Variants in TESK2 observed in about 807,000 individuals in gnomAD.
TESK2 encodes the protein dual specificity testis-specific protein kinase 2.
In TESK2, 39 loss-of-function variants were observed where a neutral mutation model predicts 57.1. The observed-to-expected ratio is 0.68, with a 90% CI of 0.53 to 0.89. TESK2 has a LOEUF of 0.89. Ranked by LOEUF, TESK2 falls within the 40% of genes least tolerant of loss-of-function variation. TESK2 has a pLI of 0.00. For synonymous variants in TESK2, 249 were observed against 267.9 expected (o/e 0.93, Z 0.69); for missense variants, 646 against 732.1 (o/e 0.88, Z 1.36).
intron 1 of TESK2, among the ~76,000 whole-genome samples, chr1:45,490,467 A>T (rs538881660): frequency 6.6e-6 from 1 of 152,232 alleles, no homozygotes; most frequent in East Asian, 1.9e-4. Context: ...GAGGGAAGTC[A>T]AGTGAAGGAA....
chr1:45,441,843 G>A (rs1651457757), intron 2 of TESK2, among the ~76,000 whole-genome samples: 1 of 151,846 alleles, frequency 6.6e-6, no homozygotes, highest in South Asian at 2.1e-4. Context: ...TCTCGAACTC[G>A]TGACCTCAAG....
intron 4 of TESK2, among the ~76,000 whole-genome samples, chr1:45,381,203 A>G (rs1425660350): frequency 6.6e-6 from 1 of 152,210 alleles, no homozygotes; most frequent in Admixed American, 6.5e-5. Context: ...TTACTCTCCA[A>G]TGGGGCAGAA....
At chr1:45,484,656 C>A (rs996352516) in intron 1 of TESK2, among the ~76,000 whole-genome samples, 8 of 152,056 alleles carry the variant, frequency 5.3e-5, no homozygotes, top group African/African-American at 1.4e-4. Flanking sequence ...CGCTTCAACC[C>A]GGAAGGCGGA....
intron 4 of TESK2, among the ~76,000 whole-genome samples, chr1:45,377,051 C>T (rs1648457845): frequency 6.6e-6 from 1 of 152,066 alleles, no homozygotes; most frequent in South Asian, 2.1e-4. Flanking sequence ...GAGACTCCAT[C>T]TCTACAAAAA....
At chr1:45,426,707 TAATAACCAGA>T (rs1171191936) in intron 2 of TESK2, among the ~76,000 whole-genome samples, 6 of 152,146 alleles carry the variant, frequency 3.9e-5, no homozygotes, top group African/African-American at 1.4e-4. Context: ...GACAAAGGAT[TAATAACCAGA>T]ATATATAAGA....
rs34785518 is a variant in TESK2, at chr1:45,416,072, CTTTTT to C, written c.344+5648_344+5652del. Among the ~76,000 whole-genome samples the C allele has an allele frequency of 1.9e-4, 11 of 59,304 alleles. No individual in the cohort carries two copies. In the East Asian group the frequency reaches 5.9e-3, roughly 32 times the overall value. 38.9% of individuals were successfully genotyped at this position (59,304 alleles called of 152,430 possible). On this transcript the variant is annotated intron_variant, in intron 3 of 10. Transcript: ENST00000372086. ...AGATTGGACACCTCTAATCTAGAGC[CTTTTT>C]TTTTTTTTTTTTTTTTTTTTTTTGA...
At chr1:45,456,942 A>G (rs1652133158) in intron 2 of TESK2, among the ~76,000 whole-genome samples, 1 of 152,178 alleles carries the variant, frequency 6.6e-6, no homozygotes. Flanking sequence ...AAGAAAAGGT[A>G]CAAAATACTC....
At chr1:45,377,923 G>A (rs1648502259) in intron 4 of TESK2, among the ~76,000 whole-genome samples, 1 of 151,884 alleles carries the variant, frequency 6.6e-6, no homozygotes, top group Admixed American at 6.6e-5. Flanking sequence ...CCACTTGGGA[G>A]GCTAAAGCAG....
chr1:45,486,782 T>TACACATACAC (rs1653494122), intron 1 of TESK2, among the ~76,000 whole-genome samples: 1 of 115,868 alleles, frequency 8.6e-6, no homozygotes, highest in African/African-American at 3.8e-5. Flanking sequence ...CCTCCCAGCA[T>TACACATACAC]ACACACACAC....
intron 4 of TESK2, among the ~76,000 whole-genome samples, chr1:45,385,708 G>GTATATATATA (rs1485375534): frequency 1.1e-4 from 13 of 123,474 alleles, no homozygotes; most frequent in African/African-American, 4.6e-4. Flanking sequence ...GTGTGTGTGT[G>GTATATATATA]TGTATATATA....
At chr1:45,440,175 C>T (rs1258470554) in intron 2 of TESK2, among the ~76,000 whole-genome samples, 2 of 151,982 alleles carry the variant, frequency 1.3e-5, no homozygotes, top group Non-Finnish European at 2.9e-5. Context: ...TGATCTCAGA[C>T]TCTTGGCCTC....
intron 3 of TESK2, among the ~76,000 whole-genome samples, chr1:45,403,520 C>T (rs939661823): frequency 2.6e-5 from 4 of 152,164 alleles, no homozygotes; most frequent in Non-Finnish European, 5.9e-5. Flanking sequence ...TTCAGTCTCG[C>T]TTTCTCCTTT....
chr1:45,387,275 A>T (rs772901823), intron 3 of TESK2, among the ~76,000 whole-genome samples: 1 of 152,146 alleles, frequency 6.6e-6, no homozygotes, highest in Non-Finnish European at 1.5e-5. Context: ...ACAGACACAA[A>T]GTCACTATTT....
intron 3 of TESK2, among the ~76,000 whole-genome samples, chr1:45,392,456 A>T (rs902131936): frequency 6.6e-6 from 1 of 151,548 alleles, no homozygotes; most frequent in African/African-American, 2.4e-5. Context: ...TAATCCCAGC[A>T]CTTTGCGAGG....
At chr1:45,444,176 TAAAAAAAA>T (rs34789802) in intron 2 of TESK2, among the ~76,000 whole-genome samples, 2 of 131,562 alleles carry the variant, frequency 1.5e-5, no homozygotes, top group Non-Finnish European at 3.3e-5. Flanking sequence ...GAGACTCTAT[TAAAAAAAA>T]AAAAAAAAGG....
intron 2 of TESK2, among the ~76,000 whole-genome samples, chr1:45,451,718 C>T (rs1651879342): frequency 6.6e-6 from 1 of 152,052 alleles, no homozygotes; most frequent in Non-Finnish European, 1.5e-5. Flanking sequence ...AAGCACGAAC[C>T]TTTGTTTTAT....
intron 1 of TESK2, among the ~76,000 whole-genome samples, chr1:45,486,437 G>T (rs1653479707): frequency 6.6e-6 from 1 of 152,060 alleles, no homozygotes; most frequent in Non-Finnish European, 1.5e-5. Flanking sequence ...ATTTAAATGT[G>T]TAATTTTCTT....
chr1:45,406,713 A>G (rs1649864769), intron 3 of TESK2, among the ~76,000 whole-genome samples: 1 of 152,106 alleles, frequency 6.6e-6, no homozygotes, highest in South Asian at 2.1e-4. Context: ...CTTTACTACC[A>G]CCATGTGGTC....
Position 45,457,723 on chromosome 1 carries a change from CTCT to C in TESK2, c.60_62del (p.Glu21del). Reference sequence around the variant, plus strand: ...CTTCTCCTCCACCACCTCCTTCAAACTCTTCAAGACGCTCCACACGTGGAGGAA... The same window carrying C: ...CTTCTCCTCCACCACCTCCTTCAAACTCAAGACGCTCCACACGTGGAGGAA... On this transcript the variant is annotated inframe_deletion, in exon 2 of 11. Coordinates refer to ENST00000372086, the MANE Select transcript of TESK2 (RefSeq NM_007170.3). 1.2e-6 allele frequency: 2 copies of C among 1,614,190 alleles called. No individual in the cohort carries two copies. The highest frequency in any genetic ancestry group is 1.7e-6 in the Non-Finnish European group (2 of 1,180,020).
Sources: allele counts gnomAD v4.1 joint callset (sites outside exome capture counted in the v4.1 genomes callset), GRCh38; gene constraint gnomAD v4.1.1; transcripts MANE v1.5; gene names NCBI Gene and HGNC (gene_info 2026-07-23, HGNC 2026-07-21).